Variants in LRP1B observed in about 807,000 individuals in gnomAD.
The protein encoded by LRP1B is LDL receptor related protein 1B.
LRP1B carries 217 observed loss-of-function variants against 556.6 expected under a neutral mutation model. The ratio of observed to expected loss-of-function variants is 0.39; its 90% CI spans 0.35 to 0.44. LRP1B has a LOEUF of 0.44. LRP1B is among the 20% of genes least tolerant of loss of function. LRP1B has a pLI of 1.00. For synonymous variants in LRP1B, 2,047 were observed against 1,865.8 expected, an observed-to-expected ratio of 1.10 and a Z score of -2.50; for missense variants, 5,053 against 5,620.8, an observed-to-expected ratio of 0.90 and a Z score of 3.23.
chr2:141,343,417 T>C (rs1371314659), intron 3 of LRP1B, among the ~76,000 whole-genome samples: 1 of 152,212 alleles, frequency 6.6e-6, no homozygotes, highest in Non-Finnish European at 1.5e-5. Context: ...CAAATTTTCT[T>C]GCTTTTTTGA....
At chr2:141,810,133 G>T in intron 2 of LRP1B, 146 bp downstream of exon 2, 2 of 446,958 alleles carry the variant, frequency 4.5e-6, no homozygotes, top group Non-Finnish European at 3.8e-6. Flanking sequence ...AAGAAAGAAA[G>T]AAAGAAAGAA....
At chr2:140,713,877 A>G (rs1359959481) in intron 37 of LRP1B, among the ~76,000 whole-genome samples, 1 of 152,118 alleles carries the variant, frequency 6.6e-6, no homozygotes, top group Non-Finnish European at 1.5e-5. Context: ...AATCACTATT[A>G]TTGCTGCTAC....
At chr2:141,739,679 TG>T (rs1445183557) in intron 2 of LRP1B, among the ~76,000 whole-genome samples, 11 of 117,534 alleles carry the variant, frequency 9.4e-5, no homozygotes, top group African/African-American at 4.1e-4. Context: ...ATCTACTGGT[TG>T]TTTTTTTTTT....
chr2:140,817,949 A>G (rs992380423), intron 31 of LRP1B, among the ~76,000 whole-genome samples: 1 of 152,210 alleles, frequency 6.6e-6, no homozygotes, highest in African/African-American at 2.4e-5. Flanking sequence ...CCAGAGCCCC[A>G]GTCCACAAAA....
chr2:141,105,858 A>G (rs1700590972), intron 7 of LRP1B, among the ~76,000 whole-genome samples: 1 of 152,106 alleles, frequency 6.6e-6, no homozygotes, highest in African/African-American at 2.4e-5. Flanking sequence ...ATTTGTATAT[A>G]AGTATTCAGA....
chr2:141,308,054 G>A (rs1436156555), intron 3 of LRP1B, among the ~76,000 whole-genome samples: 1 of 152,200 alleles, frequency 6.6e-6, no homozygotes, highest in East Asian at 1.9e-4. Context: ...GTCTTCAGAA[G>A]AAGTGCTTAT....
rs1559130913 is a variant in LRP1B at position 141,544,319 on chromosome 2, C to CTTCTTCTTCTTCTTCTTCTT, written c.206-63806_206-63787dup. Among the ~76,000 whole-genome samples, 72 of 42,956 alleles carry CTTCTTCTTCTTCTTCTTCTT rather than the reference C, an allele frequency of 1.7e-3. 1 individual carries two copies. The highest frequency in any genetic ancestry group is 0.012 in the Middle Eastern group (1 of 84). 28.2% of individuals were successfully genotyped at this position (42,956 alleles called of 152,430 possible). ...CACTCTTCTTCTTCTTCTTCTTCTT[C>CTTCTTCTTCTTCTTCTTCTT]TTCTTCTTCTTCTTCTTCTTCTTCT... On this transcript the variant is annotated intron_variant, in intron 2 of 90. Coordinates refer to ENST00000389484, the MANE Select transcript of LRP1B (RefSeq NM_018557.3).
chr2:140,260,543 A>G (rs1224672034), intron 86 of LRP1B, among the ~76,000 whole-genome samples: 4 of 151,776 alleles, frequency 2.6e-5, no homozygotes, highest in Non-Finnish European at 5.9e-5. Flanking sequence ...ATGCGTGCAT[A>G]TATACCTTTT....
intron 1 of LRP1B, among the ~76,000 whole-genome samples, chr2:141,885,115 T>C (rs376359571): frequency 1.3e-5 from 2 of 152,234 alleles, no homozygotes; most frequent in Non-Finnish European, 2.9e-5. Context: ...GATGTGCTTA[T>C]GAAATATAAT....
chr2:141,578,075 T>A (rs770255326), intron 2 of LRP1B, among the ~76,000 whole-genome samples: 9 of 152,074 alleles, frequency 5.9e-5, no homozygotes, highest in Non-Finnish European at 1.0e-4. Flanking sequence ...AAAAAATAGA[T>A]CATCTACTTA....
At chr2:141,738,106 T>C (rs181128640) in intron 2 of LRP1B, among the ~76,000 whole-genome samples, 2 of 152,208 alleles carry the variant, frequency 1.3e-5, no homozygotes, top group African/African-American at 4.8e-5. Context: ...GTACTACCTA[T>C]CATAGTATGC....
At chr2:141,448,408 T>C (rs1428385887) in intron 3 of LRP1B, among the ~76,000 whole-genome samples, 2 of 152,162 alleles carry the variant, frequency 1.3e-5, no homozygotes, top group Non-Finnish European at 2.9e-5. Flanking sequence ...TCAGCTCCCA[T>C]ACCAGGGGAG....
chr2:141,995,567 C>T (rs1484398573), intron 1 of LRP1B, among the ~76,000 whole-genome samples: 1 of 152,146 alleles, frequency 6.6e-6, no homozygotes, highest in Non-Finnish European at 1.5e-5. Context: ...TACTCACAGG[C>T]TCTAGTGATG....
chr2:141,390,297 A>C (rs1437212080), intron 3 of LRP1B, among the ~76,000 whole-genome samples: 2 of 152,174 alleles, frequency 1.3e-5, no homozygotes, highest in Non-Finnish European at 2.9e-5. Context: ...TAAAGAAAAA[A>C]AAAGCGTTGA....
intron 86 of LRP1B, among the ~76,000 whole-genome samples, chr2:140,254,947 A>G (rs1199872799): frequency 1.3e-5 from 2 of 152,184 alleles, no homozygotes; most frequent in African/African-American, 2.4e-5. Flanking sequence ...TCAACTAACC[A>G]TTTACTAGCA....
chr2:140,764,911 T>A (rs1239640690), intron 35 of LRP1B, among the ~76,000 whole-genome samples: 1 of 152,182 alleles, frequency 6.6e-6, no homozygotes, highest in African/African-American at 2.4e-5. Flanking sequence ...CAGATTACTA[T>A]GTGATGGTGT....
At chr2:140,234,712 G>A in intron 90 of LRP1B, 74 bp downstream of exon 90, 1 of 697,310 alleles carries the variant, frequency 1.4e-6, no homozygotes, top group East Asian at 2.5e-5. Flanking sequence ...AAGCCTCTAA[G>A]TCTAGTAATT....
intron 32 of LRP1B, among the ~76,000 whole-genome samples, chr2:140,782,294 G>A (rs565745953): frequency 2.6e-5 from 4 of 152,318 alleles, no homozygotes; most frequent in African/African-American, 7.2e-5. Flanking sequence ...GACTGAGACT[G>A]TATTTAGAGA....
intron 1 of LRP1B, among the ~76,000 whole-genome samples, chr2:142,120,922 G>T (rs762957080): frequency 6.6e-6 from 1 of 152,048 alleles, no homozygotes; most frequent in African/African-American, 2.4e-5. Flanking sequence ...ACCATCATGT[G>T]ACTTTTATTG....
Sources: gnomAD v4.1 joint callset for allele counts (sites outside exome capture counted in the v4.1 genomes callset) on GRCh38, gnomAD v4.1.1 for gene constraint, MANE v1.5 for transcripts, NCBI Gene and HGNC (gene_info 2026-07-23, HGNC 2026-07-21) for gene names.